ADGRF1: variants seen among roughly 807,000 people sequenced by gnomAD.
The protein encoded by ADGRF1 is G protein-coupled receptor 110.
In ADGRF1, 85 loss-of-function variants were observed where a neutral mutation model predicts 87.2. The ratio of observed to expected loss-of-function variants is 0.97; its 90% CI spans 0.82 to 1.17. The LOEUF is 1.17. ADGRF1 is among the 50% of genes most tolerant of loss of function. The probability of loss-of-function intolerance (pLI) is 0.00; values close to 1 mark genes in which losing one functional copy is unlikely to be tolerated. For synonymous variants in ADGRF1, 430 were observed against 408.8 expected, an observed-to-expected ratio of 1.05 and a Z score of -0.63; for missense variants, 1,169 against 1,077.2, an observed-to-expected ratio of 1.09 and a Z score of -1.19.
Position 47,029,117 on chromosome 6 carries a change from G to A in ADGRF1, c.-43-13C>T. ...GCATAGTCTGTGACTAAACAAGCAG[G>A]GTACCAGGTAAGGTAGAGGCACAAA... On this transcript the variant is annotated splice_polypyrimidine_tract_variant and intron_variant, in intron 1 of 14. Transcript: ENST00000371253. The A allele has an allele frequency of 7.0e-7, 1 of 1,425,072 alleles. No homozygotes were observed. Among genetic ancestry groups the A allele is most frequent in the Non-Finnish European group, 9.9e-7 (1 of 1,008,420 alleles). The allele number at this position is 1,425,072 out of a possible 1,614,324, so 88.3% of individuals were successfully genotyped here.
chr6:47,012,428 T>A (rs1779736328), intron 9 of ADGRF1: 1 of 685,438 alleles, frequency 1.5e-6, no homozygotes, highest in South Asian at 6.5e-5. Context: ...TTGAGGGAGG[T>A]ACCATTATTA....
Position 47,012,094 on chromosome 6 carries a change from C to A in ADGRF1, c.1029G>T (p.Gly343=). 1 of 1,614,088 alleles carries A rather than the reference C, an allele frequency of 6.2e-7. No individual in the cohort carries two copies. The highest frequency in any genetic ancestry group is 8.5e-7 in the Non-Finnish European group (1 of 1,179,978). Residue 343 remains glycine, a synonymous_variant, in exon 10 of 15, where the codon GGG becomes GGT. Transcript: ENST00000371253. The stretch of plus-strand genomic sequence containing the variant: ...GAATCGACACCACCGAAGCCAGATT[C>A]CCCACTGTGGTTGATGGGTTTTGCC... The part of the protein sequence containing the change: ...IIRQNPSTTV[G]NLASVVSILS...
chr6:47,002,579 C>T (rs1479885106), intron 13 of ADGRF1, among the ~76,000 whole-genome samples: 2 of 152,094 alleles, frequency 1.3e-5, no homozygotes, highest in African/African-American at 4.8e-5. Flanking sequence ...GTAACATACT[C>T]AATATACTTC....
chr6:47,014,611 C>T lies in ADGRF1; in HGVS notation c.927+70G>A, dbSNP rs819492. 4.2e-3 allele frequency: 6,600 copies of T among 1,568,124 alleles called. 221 individuals are homozygous for T. The African/African-American group carries it at 0.077, about 18-fold the overall frequency. ...TAGGTATACTTACCCTCCACCTAGC[C>T]ATGCTCACTGGGATATTGCCACTCT... On this transcript the variant is annotated intron_variant, in intron 9 of 14. Transcript: ENST00000371253.
chr6:47,041,033 G>A lies in ADGRF1; in HGVS notation c.-44+1158C>T, dbSNP rs73480769. On this transcript the variant is annotated intron_variant, in intron 1 of 14. Transcript: ENST00000371253. ...TGCACAAAAGGTGAGTTTGCAAGTT[G>A]AGCTTGTCAGACTCCACAGGCATAC... Among the ~76,000 whole-genome samples the A allele has an allele frequency of 1.7e-3, 262 of 152,288 alleles. 1 individual carries two copies. Among genetic ancestry groups the A allele is most frequent in the African/African-American group, 5.7e-3 (238 of 41,560 alleles).
intron 11 of ADGRF1, among the ~76,000 whole-genome samples, chr6:47,008,261 T>G (rs899749579): frequency 5.3e-5 from 8 of 152,208 alleles, no homozygotes; most frequent in Non-Finnish European, 7.3e-5. Flanking sequence ...CTGAAGGCTC[T>G]CGTCCAGATT....
At chr6:47,035,865 C>T (rs563341374) in intron 1 of ADGRF1, among the ~76,000 whole-genome samples, 15 of 152,164 alleles carry the variant, frequency 9.9e-5, no homozygotes, top group East Asian at 3.9e-4. Flanking sequence ...TACACATGAA[C>T]GTAAAGATGG....
intron 1 of ADGRF1, among the ~76,000 whole-genome samples, chr6:47,035,207 G>A (rs1237021672): frequency 6.6e-6 from 1 of 152,166 alleles, no homozygotes; most frequent in Non-Finnish European, 1.5e-5. Flanking sequence ...GAGTGACCAT[G>A]AAGCCCTTAA....
chr6:47,011,905 G>A, intron 10 of ADGRF1, 102 bp downstream of exon 10: 1 of 1,068,666 alleles, frequency 9.4e-7, no homozygotes, highest in Non-Finnish European at 1.3e-6. Flanking sequence ...CGCATACATG[G>A]CTTTCTGTCT....
chr6:47,004,723 C>T lies in ADGRF1; in HGVS notation c.2592+1094G>A, dbSNP rs1014291867. Among the ~76,000 whole-genome samples the T allele has an allele frequency of 2.0e-5, 3 of 152,150 alleles. No individual in the cohort carries two copies. In the South Asian group the frequency reaches 6.2e-4, roughly 31 times the overall value. ...CTTCTGGTTCGAGTGATTTTTAGTT[C>T]TTCCAGACATAAAATCTAAATCCCA... On this transcript the variant is annotated intron_variant, in intron 13 of 14. Transcript: ENST00000371253.
At chr6:47,034,747 A>T (rs2113909348) in intron 1 of ADGRF1, among the ~76,000 whole-genome samples, 1 of 152,210 alleles carries the variant, frequency 6.6e-6, no homozygotes, top group Non-Finnish European at 1.5e-5. Context: ...TCCCTATTTT[A>T]ACTCTCCTAT....
Position 47,001,517 on chromosome 6 carries a change from G to T in ADGRF1, c.2643C>A (p.Asn881Lys). The T allele has an allele frequency of 6.2e-7, 1 of 1,613,758 alleles. No homozygotes were observed. The highest frequency in any genetic ancestry group is 8.5e-7 in the Non-Finnish European group (1 of 1,179,808). ...GTAACTCACCTTTGTTTTGCAGTGGGTTGAAAGGCTTTGAGAATTTGGGTT... is the reference window on the plus strand; with the variant it reads ...GTAACTCACCTTTGTTTTGCAGTGGTTTGAAAGGCTTTGAGAATTTGGGTT... ...SAKPKFSKPF[N>K]PLQNKGHYAF... The change falls in exon 14 of 15, where the codon AAC becomes AAA. Residue 881 changes from asparagine to lysine, a missense_variant. Asn to Lys is a moderately conservative substitution (Grantham distance 94). Coordinates refer to ENST00000371253, the MANE Select transcript of ADGRF1 (RefSeq NM_153840.4).
At chr6:47,026,874 G>T (rs142819329) in intron 3 of ADGRF1, among the ~76,000 whole-genome samples, 1 of 152,078 alleles carries the variant, frequency 6.6e-6, no homozygotes, top group East Asian at 1.9e-4. Flanking sequence ...CCCACTTCTC[G>T]TCCACGCAGG....
At chr6:47,021,762 G>A (rs995092109) in intron 6 of ADGRF1, among the ~76,000 whole-genome samples, 196 bp downstream of exon 6, 14 of 152,158 alleles carry the variant, frequency 9.2e-5, no homozygotes, top group African/African-American at 3.1e-4. Context: ...GAAGTGCAAA[G>A]AAGTCAGCTG....
intron 1 of ADGRF1, among the ~76,000 whole-genome samples, chr6:47,033,171 C>T (rs1780483344): frequency 6.6e-6 from 1 of 152,194 alleles, no homozygotes; most frequent in Non-Finnish European, 1.5e-5. Flanking sequence ...CCAGTGATGC[C>T]TGAGCTGCAG....
At chr6:47,024,392 G>T in intron 4 of ADGRF1, 175 bp from the exon 5 acceptor site, 1 of 522,446 alleles carries the variant, frequency 1.9e-6, no homozygotes, top group South Asian at 2.7e-5. Context: ...TCAGCTCACT[G>T]CAACCTCTGC....
intron 12 of ADGRF1, 59 bp from the exon 13 acceptor site, chr6:47,005,935 C>T: frequency 1.8e-6 from 2 of 1,095,658 alleles, no homozygotes; most frequent in East Asian, 2.5e-5. Context: ...ACAGACAAAT[C>T]AAGAACAACT....
At position 47,013,520 on chromosome 6, in the gene ADGRF1, A is replaced by T. The variant is rs547512743; in HGVS notation, c.927+1161T>A. On this transcript the variant is annotated intron_variant, in intron 9 of 14. Coordinates refer to ENST00000371253, the MANE Select transcript of ADGRF1 (RefSeq NM_153840.4). Reference sequence around the variant, plus strand: ...CAATATGGAAATCTACTTGCTGAACAGTATCTGTGAACTGGTCTTGGGGTC... The same window carrying T: ...CAATATGGAAATCTACTTGCTGAACTGTATCTGTGAACTGGTCTTGGGGTC... The T allele has an allele frequency of 7.1e-6, 7 of 985,484 alleles. No homozygotes were observed. The East Asian group carries it at 6.8e-4, about 96-fold the overall frequency. 61.0% of individuals were successfully genotyped at this position (985,484 alleles called of 1,614,324 possible). A position where few individuals can be genotyped will look rare whatever the true frequency, so the allele number is the denominator to read the frequency against.
intron 12 of ADGRF1, among the ~76,000 whole-genome samples, chr6:47,006,824 G>T (rs1209936683): frequency 6.6e-6 from 1 of 152,130 alleles, no homozygotes; most frequent in East Asian, 1.9e-4. Flanking sequence ...AATAGTCTGT[G>T]AGAGGCTATT....
Sources: allele counts gnomAD v4.1 joint callset (sites outside exome capture counted in the v4.1 genomes callset), GRCh38; gene constraint gnomAD v4.1.1; transcripts MANE v1.5; gene names NCBI Gene and HGNC (gene_info 2026-07-23, HGNC 2026-07-21).